Variants in DPY19L4 observed in about 807,000 individuals in gnomAD.
DPY19L4 encodes the protein probable C-mannosyltransferase DPY19L4.
Under a neutral mutation model 102.8 loss-of-function variants are expected in DPY19L4, and 97 were observed. The ratio of observed to expected loss-of-function variants is 0.94; its 90% CI spans 0.80 to 1.12. The LOEUF is 1.12. DPY19L4 is among the 50% of genes most tolerant of loss of function. The probability of loss-of-function intolerance (pLI) is 0.00; values close to 1 mark genes in which losing one functional copy is unlikely to be tolerated. For missense variants in DPY19L4, 815 were observed against 850.4 expected, an observed-to-expected ratio of 0.96 and a Z score of 0.52; for synonymous variants, 252 against 283.1, an observed-to-expected ratio of 0.89 and a Z score of 1.10.
intron 13 of DPY19L4, among the ~76,000 whole-genome samples, chr8:94,776,313 G>A (rs1346907753): frequency 4.6e-5 from 7 of 151,550 alleles, no homozygotes; most frequent in Non-Finnish European, 7.4e-5. Context: ...GATTACAGGC[G>A]AGAGCCACCG....
intron 3 of DPY19L4, among the ~76,000 whole-genome samples, chr8:94,737,190 G>A (rs980549753): frequency 6.6e-6 from 1 of 152,006 alleles, no homozygotes; most frequent in African/African-American, 2.4e-5. Flanking sequence ...TTATTTTATT[G>A]TTATTATTTT....
At chr8:94,780,505 G>A in intron 15 of DPY19L4, 90 bp downstream of exon 15, 1 of 800,898 alleles carries the variant, frequency 1.2e-6, no homozygotes, top group Non-Finnish European at 1.8e-6. Flanking sequence ...AACATGTTGA[G>A]ACACTATCCT....
At chr8:94,768,587 C>T (rs781196659) in intron 12 of DPY19L4, 34 bp downstream of exon 12, 12 of 1,209,036 alleles carry the variant, frequency 9.9e-6, no homozygotes, top group Non-Finnish European at 1.1e-5. Context: ...ATATTACTAA[C>T]ATAAATTATG....
At chr8:94,734,820 A>G in intron 3 of DPY19L4, 66 bp downstream of exon 3, 1 of 1,597,282 alleles carries the variant, frequency 6.3e-7, no homozygotes, top group Non-Finnish European at 8.5e-7. Flanking sequence ...TATGTATGAT[A>G]AGTATGACAA....
intron 2 of DPY19L4, among the ~76,000 whole-genome samples, chr8:94,727,832 A>G (rs77824357): frequency 0.012 from 1,812 of 152,300 alleles, 28 homozygotes; most frequent in Non-Finnish European, 0.017. Flanking sequence ...CATAAACTAC[A>G]TTGTTTGTAC....
intron 12 of DPY19L4, among the ~76,000 whole-genome samples, chr8:94,770,166 C>A (rs751124971): frequency 6.6e-6 from 1 of 152,086 alleles, no homozygotes; most frequent in Non-Finnish European, 1.5e-5. Context: ...GGATTACAGG[C>A]GTAAGTCACT....
At chr8:94,788,668 C>G (rs56787811) in intron 18 of DPY19L4, among the ~76,000 whole-genome samples, 27 of 152,106 alleles carry the variant, frequency 1.8e-4, no homozygotes, top group African/African-American at 6.5e-4. Flanking sequence ...TCTTCCCCCC[C>G]AGCCCCCATG....
chr8:94,789,680 T>C (rs1813810169), intron 18 of DPY19L4, 66 bp from the exon 19 acceptor site: 1 of 1,350,366 alleles, frequency 7.4e-7, no homozygotes, highest in Non-Finnish European at 1.0e-6. Flanking sequence ...CTCATTTGTA[T>C]ATTGATTGCA....
chr8:94,756,635 T>C (rs1462629302), intron 7 of DPY19L4, among the ~76,000 whole-genome samples: 1 of 152,226 alleles, frequency 6.6e-6, no homozygotes, highest in Non-Finnish European at 1.5e-5. Context: ...TTCAGGAGAC[T>C]GTCCCTGGTA....
intron 6 of DPY19L4, 149 bp downstream of exon 6, chr8:94,739,939 T>C: frequency 1.8e-6 from 2 of 1,092,974 alleles, no homozygotes; most frequent in Non-Finnish European, 2.6e-6. Flanking sequence ...TTATGATACT[T>C]TGTATAGCAC....
In DPY19L4 at chr8:94,766,719, G is replaced by T. The variant is rs749512640; in HGVS notation, c.1175+34G>T. Reference sequence around the variant, plus strand: ...TAGATTATGTAAGTTTACCTAAATCGATACCACTTAGAAAATAAAGATAAA... The same window carrying T: ...TAGATTATGTAAGTTTACCTAAATCTATACCACTTAGAAAATAAAGATAAA... On this transcript the variant is annotated intron_variant, in intron 11 of 18. Coordinates refer to ENST00000414645, the MANE Select transcript of DPY19L4 (RefSeq NM_181787.3). 10 of 1,550,296 alleles carry T rather than the reference G, an allele frequency of 6.5e-6. No individual in the cohort carries two copies. In the African/African-American group the frequency reaches 6.8e-5, roughly 11 times the overall value.
intron 7 of DPY19L4, among the ~76,000 whole-genome samples, chr8:94,757,689 C>T (rs1009813257): frequency 7.9e-5 from 12 of 152,254 alleles, no homozygotes; most frequent in South Asian, 4.1e-4. Flanking sequence ...GGACTACAGC[C>T]GTGAGCCACT....
intron 1 of DPY19L4, among the ~76,000 whole-genome samples, chr8:94,723,957 A>G (rs1293870264): frequency 1.3e-5 from 2 of 152,218 alleles, no homozygotes; most frequent in Non-Finnish European, 1.5e-5. Context: ...TTGAAAATCT[A>G]TGCAAAATGT....
chr8:94,780,483 G>C, intron 15 of DPY19L4, 68 bp downstream of exon 15: 1 of 1,009,570 alleles, frequency 9.9e-7, no homozygotes, highest in Non-Finnish European at 1.3e-6. Flanking sequence ...AAATTTATAT[G>C]TGTGGGTAGG....
intron 2 of DPY19L4, among the ~76,000 whole-genome samples, chr8:94,726,950 C>G (rs982493528): frequency 2.6e-5 from 4 of 152,042 alleles, no homozygotes; most frequent in Admixed American, 2.6e-4. Context: ...TTTACCACAC[C>G]CTGTCCTTGT....
intron 16 of DPY19L4, among the ~76,000 whole-genome samples, chr8:94,782,913 A>G (rs1005682985): frequency 5.9e-5 from 9 of 152,364 alleles, no homozygotes; most frequent in African/African-American, 2.2e-4. Flanking sequence ...CAAAGGCCCA[A>G]ACAATTACCT....
At chr8:94,765,120 C>T (rs1812610927) in intron 8 of DPY19L4, 63 bp from the exon 9 acceptor site, 2 of 1,186,316 alleles carry the variant, frequency 1.7e-6, no homozygotes, top group Non-Finnish European at 2.4e-6. Flanking sequence ...CTATATAAAA[C>T]AAATGAAAAT....
intron 8 of DPY19L4, among the ~76,000 whole-genome samples, chr8:94,764,931 G>A (rs966528988): frequency 1.3e-5 from 2 of 150,310 alleles, no homozygotes; most frequent in Non-Finnish European, 3.0e-5. Flanking sequence ...GTTTCACCAT[G>A]TTGGCCAGGC....
chr8:94,761,086 T>C (rs1812376136), intron 7 of DPY19L4, among the ~76,000 whole-genome samples: 1 of 152,212 alleles, frequency 6.6e-6, no homozygotes, highest in South Asian at 2.1e-4. Context: ...TTCTGAACCC[T>C]GATGAATACC....
Sources: gnomAD v4.1 joint callset for allele counts (sites outside exome capture counted in the v4.1 genomes callset) on GRCh38, gnomAD v4.1.1 for gene constraint, MANE v1.5 for transcripts, NCBI Gene and HGNC (gene_info 2026-07-23, HGNC 2026-07-21) for gene names.